The following CABYR variants were observed in gnomAD, a reference collection of about 807,000 sequenced individuals.
CABYR encodes the protein calcium binding tyrosine phosphorylation regulated.
CABYR carries 31 observed loss-of-function variants against 36.1 expected under a neutral mutation model. The ratio of observed to expected loss-of-function variants is 0.86; its 90% CI spans 0.64 to 1.16. The LOEUF is 1.16. CABYR is among the 50% of genes most tolerant of loss of function. CABYR has a pLI of 0.00. For missense variants in CABYR, 429 were observed against 455.8 expected, an observed-to-expected ratio of 0.94 and a Z score of 0.53; for synonymous variants, 146 against 160.7, an observed-to-expected ratio of 0.91 and a Z score of 0.69.
At chr18:24,153,370 G>A (rs1344017172) in intron 3 of CABYR, among the ~76,000 whole-genome samples, 1 of 152,270 alleles carries the variant, frequency 6.6e-6, no homozygotes, top group South Asian at 2.1e-4. Context: ...CGCTCTCTCT[G>A]GCCTTCAGCC....
chr18:24,146,754 C>G (rs1016586320), intron 3 of CABYR, among the ~76,000 whole-genome samples: 1 of 151,944 alleles, frequency 6.6e-6, no homozygotes, highest in Non-Finnish European at 1.5e-5. Flanking sequence ...TGAGAGCAGG[C>G]GGAGGGGTAA....
chr18:24,156,584 G>A (rs2085792693), intron 4 of CABYR: 3 of 1,614,200 alleles, frequency 1.9e-6, no homozygotes, highest in Non-Finnish European at 2.5e-6. Flanking sequence ...AATCTGTAGA[G>A]TCTGTAAAAC....
In CABYR at chr18:24,143,206, C is replaced by T. The variant is rs1310969871; in HGVS notation, c.92C>T (p.Ser31Leu). 6.2e-7 allele frequency: 1 copy of T among 1,613,930 alleles called. No individual in the cohort carries two copies. The highest frequency in any genetic ancestry group is 1.3e-5 in the African/African-American group (1 of 74,894). The change falls in exon 2 of 6, where the codon TCA becomes TTA. Residue 31 changes from serine (S) to leucine (L), a missense_variant. Coordinates refer to ENST00000399496, the MANE Select transcript of CABYR (RefSeq NM_153769.3). ...ISRAVLKTNP[S>L]NINQFAAAYF... ...AGAGCTGTTCTCAAAACCAACCCAT[C>T]AAACATCAACCAGTTTGCAGCAGCT...
At chr18:24,157,838 C>T (rs1418863123) in intron 4 of CABYR, among the ~76,000 whole-genome samples, 1 of 152,150 alleles carries the variant, frequency 6.6e-6, no homozygotes, top group African/African-American at 2.4e-5. Context: ...ATTGCAGGGG[C>T]CCTTCTCTTT....
intron 1 of CABYR, among the ~76,000 whole-genome samples, 192 bp downstream of exon 1, chr18:24,139,310 C>T (rs1188704911): frequency 3.9e-5 from 6 of 152,074 alleles, no homozygotes; most frequent in African/African-American, 1.4e-4. Flanking sequence ...GAATCTGAGG[C>T]CTCGGTGGGT....
At chr18:24,153,101 ATC>A (rs2085681205) in intron 3 of CABYR, among the ~76,000 whole-genome samples, 1 of 152,136 alleles carries the variant, frequency 6.6e-6, no homozygotes, top group South Asian at 2.1e-4. Context: ...CACAAAGGGC[ATC>A]TCTCTCCAAA....
intron 3 of CABYR, chr18:24,150,699 A>G (rs780791470): frequency 8.5e-5 from 28 of 330,096 alleles, no homozygotes; most frequent in Non-Finnish European, 1.1e-4. Context: ...TTAAAAGATT[A>G]CGTACCATAC....
rs2085993544 is a variant in CABYR, at chr18:24,161,584, A to AACTT, written c.*69_*72dup. ...CTGCCACCAGTGTAATGTATCAATA[A>AACTT]ACTTCATGCAAGCATACAATTTTGT... On this transcript the variant is annotated 3_prime_UTR_variant, in exon 6 of 6. Transcript: ENST00000399496. 1.3e-6 allele frequency: 1 copy of AACTT among 773,922 alleles called. No individual in the cohort carries two copies. The highest frequency in any genetic ancestry group is 2.4e-6 in the Non-Finnish European group (1 of 415,550). 47.9% of individuals were successfully genotyped at this position (773,922 alleles called of 1,614,324 possible). A position where few individuals can be genotyped will look rare whatever the true frequency, so the allele number is the denominator to read the frequency against.
At position 24,159,916 on chromosome 18, in the gene CABYR, C is replaced by A; in HGVS notation, c.986C>A (p.Pro329His). ...SGQDVPRPKS[P>H]VFLSVAFPVE... ...CAAGATGTCCCCAGGCCAAAAAGCC[C>A]TGTTTTCCTTTCTGTTGCTTTCCCA... The change falls in exon 5 of 6, where the codon CCT becomes CAT. Residue 329 changes from proline (P) to histidine (H), a missense_variant. By Grantham distance (77) the Pro-to-His change is moderately conservative. Coordinates refer to ENST00000399496, the MANE Select transcript of CABYR (RefSeq NM_153769.3). 6.2e-7 allele frequency: 1 copy of A among 1,614,184 alleles called. No individual in the cohort carries two copies. Among genetic ancestry groups the A allele is most frequent in the Non-Finnish European group, 8.5e-7 (1 of 1,180,040 alleles).
At chr18:24,146,463 C>T (rs987934753) in intron 3 of CABYR, among the ~76,000 whole-genome samples, 53 of 152,040 alleles carry the variant, frequency 3.5e-4, no homozygotes, top group African/African-American at 8.5e-4. Context: ...GCACGAGAAC[C>T]GCTTGAACCT....
At chr18:24,156,554 C>T in intron 4 of CABYR, 1 of 1,614,132 alleles carries the variant, frequency 6.2e-7, no homozygotes. Flanking sequence ...TAGAAAAGAC[C>T]ACCTCTGGCA....
At chr18:24,143,616 A>T (rs1258876787) in intron 3 of CABYR, among the ~76,000 whole-genome samples, 1 of 151,894 alleles carries the variant, frequency 6.6e-6, no homozygotes, top group Admixed American at 6.6e-5. Flanking sequence ...GTCATAGCTC[A>T]CTGCAGCCTG....
intron 3 of CABYR, among the ~76,000 whole-genome samples, chr18:24,151,484 A>G (rs1431845725): frequency 6.6e-6 from 1 of 152,228 alleles, no homozygotes; most frequent in Non-Finnish European, 1.5e-5. Flanking sequence ...CATAATCTCA[A>G]GGTTACAAGT....
chr18:24,153,548 G>A (rs188598723), intron 3 of CABYR, among the ~76,000 whole-genome samples: 1 of 152,194 alleles, frequency 6.6e-6, no homozygotes, highest in East Asian at 1.9e-4. Context: ...TGGTGTGATG[G>A]CAGCCTATTC....
chr18:24,146,298 T>C (rs1292850478), intron 3 of CABYR, among the ~76,000 whole-genome samples: 1 of 152,194 alleles, frequency 6.6e-6, no homozygotes, highest in African/African-American at 2.4e-5. Flanking sequence ...TATATGGCTT[T>C]ATTAGAAGAC....
chr18:24,143,961 G>T (rs1319350918), intron 3 of CABYR, among the ~76,000 whole-genome samples: 2 of 151,918 alleles, frequency 1.3e-5, no homozygotes, highest in African/African-American at 2.4e-5. Context: ...GCAGTGGCGT[G>T]ATCTTGGCTC....
rs1555781278 is a variant in CABYR, at chr18:24,147,272, A to AAG, written c.199+3859_199+3860insAG. 6.3e-3 allele frequency among the ~76,000 whole-genome samples: 862 copies of AAG among 137,488 alleles called. 25 individuals carry two copies. Among genetic ancestry groups the AAG allele is most frequent in the African/African-American group, 0.014 (517 of 37,814 alleles). 90.2% of individuals were successfully genotyped at this position (137,488 alleles called of 152,430 possible). ...TGTCTCAAAAAAAAAAAAAAAAAAAAGCCTATAGGCAAGTGAGGAATACAA... is the reference window on the plus strand; with the variant it reads ...TGTCTCAAAAAAAAAAAAAAAAAAAAAGGCCTATAGGCAAGTGAGGAATACAA... On this transcript the variant is annotated intron_variant, in intron 3 of 5. Transcript: ENST00000399496.
intron 3 of CABYR, among the ~76,000 whole-genome samples, chr18:24,144,001 G>A (rs916744146): frequency 2.6e-5 from 4 of 151,892 alleles, no homozygotes; most frequent in African/African-American, 7.3e-5. Flanking sequence ...GGGTTCAAAC[G>A]ATTCTCCTGC....
chr18:24,142,306 G>A (rs185784384), intron 1 of CABYR, among the ~76,000 whole-genome samples: 1,595 of 151,540 alleles, frequency 0.011, 117 homozygotes, highest in Admixed American at 0.098. Flanking sequence ...GTGGCAGAGC[G>A]AGACTCCATC....
Sources: allele counts gnomAD v4.1 joint callset (sites outside exome capture counted in the v4.1 genomes callset), GRCh38; gene constraint gnomAD v4.1.1; transcripts MANE v1.5; gene names NCBI Gene and HGNC (gene_info 2026-07-23, HGNC 2026-07-21).